The following CDC5L variants were observed in gnomAD, a reference collection of about 807,000 sequenced individuals.
CDC5L encodes the protein cell division cycle 5 like.
Under a neutral mutation model 104.1 loss-of-function variants are expected in CDC5L, and 18 were observed. That is an observed-to-expected ratio of 0.17 (90% CI 0.12 to 0.26). The LOEUF (loss-of-function observed/expected upper bound fraction) is 0.26, where lower values mean the gene tolerates loss of function less well. CDC5L is among the 10% of genes least tolerant of loss of function. The pLI, the probability that CDC5L is intolerant of heterozygous loss-of-function variation, is 1.00. For missense variants in CDC5L, 673 were observed against 956.9 expected, an observed-to-expected ratio of 0.70 and a Z score of 3.91; for synonymous variants, 331 against 322.7, an observed-to-expected ratio of 1.03 and a Z score of -0.28.
intron 5 of CDC5L, among the ~76,000 whole-genome samples, chr6:44,398,487 A>G (rs1790972927): frequency 6.6e-6 from 1 of 152,246 alleles, no homozygotes; most frequent in Non-Finnish European, 1.5e-5. Context: ...GAATCTACAC[A>G]TCTTTGTAAG....
At chr6:44,426,338 T>A in intron 12 of CDC5L, 144 bp from the exon 13 acceptor site, 1 of 755,032 alleles carries the variant, frequency 1.3e-6, no homozygotes, top group Non-Finnish European at 2.1e-6. Context: ...AATGTTTCAG[T>A]AGTACCAGAA....
chr6:44,447,769 A>G lies in CDC5L; in HGVS notation c.*1058A>G, dbSNP rs572642914. The G allele has an allele frequency of 4.6e-5, 7 of 152,344 alleles. No homozygotes were observed. Among genetic ancestry groups the G allele is most frequent in the Non-Finnish European group, 7.4e-5 (5 of 68,022 alleles). 9.4% of individuals were successfully genotyped at this position (152,344 alleles called of 1,614,324 possible). ...TATAGTCTTTTGAGAATGACAGACA[A>G]TTAAAATCCAAATGTTTATTTGGTG... is the stretch of plus-strand genomic sequence containing the variant. On this transcript the variant is annotated 3_prime_UTR_variant, in exon 16 of 16. Coordinates refer to ENST00000371477, the MANE Select transcript of CDC5L (RefSeq NM_001253.4).
In CDC5L at chr6:44,445,694, G is replaced by A; in HGVS notation, c.2131G>A (p.Ala711Thr). Residue 711 changes from alanine to threonine, a missense_variant, in exon 15 of 16, where the codon GCA (alanine) becomes ACA (threonine). By Grantham distance (58) the Ala-to-Thr change is moderately conservative (BLOSUM62 0). This residue lies in a region of CDC5L where 578 missense variants were observed against 737.0 expected (regional missense o/e 0.78). Transcript: ENST00000371477. Reference protein sequence around the residue: ...GHMTTEAKRAAKMEKKMKILL... With the variant: ...GHMTTEAKRATKMEKKMKILL... ...CATGACGACAGAAGCCAAGAGGGCT[G>A]CAAAGATGGAAAAGAAGATGAAAAT... The A allele has an allele frequency of 6.2e-7, 1 of 1,614,058 alleles. No homozygotes were observed. Among genetic ancestry groups the A allele is most frequent in the South Asian group, 1.1e-5 (1 of 91,084 alleles).
intron 2 of CDC5L, among the ~76,000 whole-genome samples, chr6:44,391,003 ATGT>A (rs1396960304): frequency 8.2e-5 from 10 of 121,620 alleles, no homozygotes; most frequent in Non-Finnish European, 8.7e-5. Context: ...CATATTTAAT[ATGT>A]TATATATTAT....
intron 8 of CDC5L, among the ~76,000 whole-genome samples, chr6:44,412,675 G>T (rs1791701370): frequency 6.6e-6 from 1 of 151,064 alleles, no homozygotes; most frequent in Non-Finnish European, 1.5e-5. Flanking sequence ...CTCCTTTCAT[G>T]GTTTTTAAAC....
intron 14 of CDC5L, among the ~76,000 whole-genome samples, chr6:44,444,158 G>A (rs571461682): frequency 6.6e-6 from 1 of 152,258 alleles, no homozygotes; most frequent in East Asian, 1.9e-4. Flanking sequence ...AGTTCCTTCT[G>A]TCATCATGTT....
In CDC5L at chr6:44,392,872, C is replaced by T. The variant is rs59080457; in HGVS notation, c.311+44C>T. ...AGAGCATAGAATATATGTATATGTTCTGAAAGAGGCTGAATAAACTTTGAG... is the reference window on the plus strand; with the variant it reads ...AGAGCATAGAATATATGTATATGTTTTGAAAGAGGCTGAATAAACTTTGAG... On this transcript the variant is annotated intron_variant, in intron 3 of 15. Coordinates refer to ENST00000371477, the MANE Select transcript of CDC5L (RefSeq NM_001253.4). 4.6e-6 allele frequency: 7 copies of T among 1,509,394 alleles called. No homozygotes were observed. In the African/African-American group the frequency reaches 8.3e-5, roughly 18 times the overall value. 93.5% of individuals were successfully genotyped at this position (1,509,394 alleles called of 1,614,324 possible). A position where few individuals can be genotyped will look rare whatever the true frequency, so the allele number is the denominator to read the frequency against.
chr6:44,394,821 A>G (rs906073030), intron 4 of CDC5L, among the ~76,000 whole-genome samples: 2 of 136,270 alleles, frequency 1.5e-5, no homozygotes, highest in Non-Finnish European at 3.0e-5. Flanking sequence ...CAAGCACTGC[A>G]CTCCAGCCTG....
chr6:44,427,179 C>T (rs1792461558), intron 13 of CDC5L, among the ~76,000 whole-genome samples: 1 of 152,114 alleles, frequency 6.6e-6, no homozygotes, highest in Non-Finnish European at 1.5e-5. Flanking sequence ...ATATATTCCC[C>T]TCACATGATT....
intron 14 of CDC5L, among the ~76,000 whole-genome samples, chr6:44,437,326 G>A (rs1169917811): frequency 6.6e-6 from 1 of 152,170 alleles, no homozygotes; most frequent in Non-Finnish European, 1.5e-5. Context: ...ATTTTACAAA[G>A]CATGCAGATA....
intron 14 of CDC5L, among the ~76,000 whole-genome samples, chr6:44,441,621 A>G (rs1300313533): frequency 6.6e-6 from 1 of 152,214 alleles, no homozygotes; most frequent in African/African-American, 2.4e-5. Context: ...TTGCCAACAC[A>G]TACTGTTTTT....
intron 8 of CDC5L, among the ~76,000 whole-genome samples, chr6:44,414,246 A>G (rs1791800650): frequency 2.0e-5 from 3 of 151,286 alleles, no homozygotes; most frequent in Admixed American, 2.0e-4. Flanking sequence ...TGCCTGGCTA[A>G]TTTTTTATTT....
chr6:44,392,080 A>G (rs1408256408), intron 2 of CDC5L, among the ~76,000 whole-genome samples: 1 of 152,164 alleles, frequency 6.6e-6, no homozygotes, highest in African/African-American at 2.4e-5. Flanking sequence ...TCCTGCTGTC[A>G]TATTTGGTAG....
chr6:44,390,600 A>G (rs1790544384), intron 2 of CDC5L, among the ~76,000 whole-genome samples: 1 of 152,124 alleles, frequency 6.6e-6, no homozygotes, highest in Non-Finnish European at 1.5e-5. Context: ...CCAATTAGGG[A>G]TAATAATACT....
chr6:44,390,405 A>G, intron 2 of CDC5L, 34 bp downstream of exon 2: 2 of 1,302,068 alleles, frequency 1.5e-6, no homozygotes, highest in Non-Finnish European at 2.2e-6. Flanking sequence ...AAAACAGAAA[A>G]GGAGCTTAAT....
rs1793581132 is a variant in CDC5L at position 44,449,852 on chromosome 6, TGG to T, written c.*3143_*3144del. On this transcript the variant is annotated 3_prime_UTR_variant, in exon 16 of 16. Coordinates refer to ENST00000371477, the MANE Select transcript of CDC5L (RefSeq NM_001253.4). Reference sequence around the variant, plus strand: ...TTTTACATTAGTGAGATTGGTCTTTTGGGCTATTGTACTTTTTTTTTTTTTTT... The same window carrying T: ...TTTTACATTAGTGAGATTGGTCTTTTGCTATTGTACTTTTTTTTTTTTTTT... 1.3e-5 allele frequency: 2 copies of T among 151,734 alleles called. No homozygotes were observed. The highest frequency in any genetic ancestry group is 2.9e-5 in the Non-Finnish European group (2 of 67,976). 9.4% of individuals were successfully genotyped at this position (151,734 alleles called of 1,614,324 possible). A position where few individuals can be genotyped will look rare whatever the true frequency, so the allele number is the denominator to read the frequency against.
intron 14 of CDC5L, among the ~76,000 whole-genome samples, chr6:44,436,862 T>G (rs1386730510): frequency 6.6e-6 from 1 of 152,226 alleles, no homozygotes; most frequent in African/African-American, 2.4e-5. Flanking sequence ...AAGTTTACCC[T>G]TTCATATTTG....
chr6:44,406,221 A>G, intron 6 of CDC5L, 102 bp from the exon 7 acceptor site: 1 of 886,880 alleles, frequency 1.1e-6, no homozygotes, highest in Admixed American at 3.0e-5. Flanking sequence ...ATTTTCTTAG[A>G]AATGAGGTTG....
At chr6:44,405,747 A>C (rs1368167437) in intron 6 of CDC5L, among the ~76,000 whole-genome samples, 2 of 152,130 alleles carry the variant, frequency 1.3e-5, no homozygotes, top group Non-Finnish European at 2.9e-5. Context: ...TTTGTTTATC[A>C]CAATCTTCAT....
Sources: gnomAD v4.1 joint callset for allele counts (sites outside exome capture counted in the v4.1 genomes callset) on GRCh38, gnomAD v4.1.1 for gene constraint, gnomAD v4.1.1 regional missense constraint, MANE v1.5 for transcripts, NCBI Gene and HGNC (gene_info 2026-07-23, HGNC 2026-07-21) for gene names.